The following NOX4 variants were observed in gnomAD, a reference collection of about 807,000 sequenced individuals.
NOX4 encodes NADPH oxidase 4, also known as kidney oxidase-1.
Under a neutral mutation model 87.6 loss-of-function variants are expected in NOX4, and 69 were observed. That is an observed-to-expected ratio of 0.79 (90% CI 0.65 to 0.96). The LOEUF is 0.96. Ranked by LOEUF, NOX4 falls within the 40% of genes least tolerant of loss-of-function variation. NOX4 has a pLI of 0.00. For missense variants in NOX4, 680 were observed against 681.5 expected, an observed-to-expected ratio of 1.00 and a Z score of 0.02; for synonymous variants, 275 against 238.2, an observed-to-expected ratio of 1.15 and a Z score of -1.42.
chr11:89,430,454 C>T (rs181536000), intron 7 of NOX4, among the ~76,000 whole-genome samples: 193 of 152,212 alleles, frequency 1.3e-3, no homozygotes, highest in Non-Finnish European at 2.3e-3. Context: ...TTTAGAAAAC[C>T]CTATCATCTC....
At chr11:89,525,841 T>G in the NOX4 span, among the ~76,000 whole-genome samples, 34 of 152,264 alleles carry the variant, frequency 2.2e-4, no homozygotes, top group East Asian at 4.2e-3. Context: ...ATTCTATGTT[T>G]AGATTTTATA....
chr11:89,515,995 T>C, the NOX4 span, among the ~76,000 whole-genome samples: 133 of 152,220 alleles, frequency 8.7e-4, 1 homozygote, highest in African/African-American at 3.1e-3. Flanking sequence ...CCTAACAATT[T>C]GCATTGGCTT....
intron 2 of NOX4, among the ~76,000 whole-genome samples, chr11:89,485,645 C>T (rs1232528491): frequency 6.6e-6 from 1 of 152,064 alleles, no homozygotes; most frequent in African/African-American, 2.4e-5. Flanking sequence ...CAACCTGTTA[C>T]TAATTTCTAT....
At chr11:89,436,302 T>C (rs1429429612) in intron 6 of NOX4, among the ~76,000 whole-genome samples, 1 of 152,124 alleles carries the variant, frequency 6.6e-6, no homozygotes, top group Non-Finnish European at 1.5e-5. Context: ...AAGCTAGCCT[T>C]GGTTGACAGC....
the NOX4 span, among the ~76,000 whole-genome samples, chr11:89,512,387 C>T: frequency 0.16 from 24,077 of 151,958 alleles, 2,501 homozygotes; most frequent in Admixed American, 0.26. Context: ...GCTTATATTG[C>T]ACAACTGAAA....
chr11:89,443,401 A>AGGGGGG (rs1024457788), intron 5 of NOX4: 2 of 150,044 alleles, frequency 1.3e-5, no homozygotes, highest in African/African-American at 4.9e-5. Flanking sequence ...CAGGAAAATA[A>AGGGGGG]GGGGGGGGGA....
intron 13 of NOX4, among the ~76,000 whole-genome samples, chr11:89,353,815 G>T (rs1444905702): frequency 6.6e-6 from 1 of 152,126 alleles, no homozygotes; most frequent in Admixed American, 6.6e-5. Flanking sequence ...ACAAATAGGC[G>T]TGCACCAATC....
the NOX4 span, among the ~76,000 whole-genome samples, chr11:89,557,808 ACT>A: frequency 6.6e-6 from 1 of 152,010 alleles, no homozygotes; most frequent in African/African-American, 2.4e-5. Flanking sequence ...AGGGTAAATG[ACT>A]CTCTGTTATC....
rs375263301 is a variant in NOX4, at chr11:89,358,956, G to A, written c.1136-3913C>T. Among the ~76,000 whole-genome samples the A allele has an allele frequency of 4.0e-5, 6 of 151,540 alleles. No individual in the cohort carries two copies. In the East Asian group the frequency reaches 1.2e-3, roughly 29 times the overall value. On this transcript the variant is annotated intron_variant, in intron 12 of 17. Coordinates refer to ENST00000263317, the MANE Select transcript of NOX4 (RefSeq NM_016931.5). ...TGGAAAAAAAAAAACAGGATTTTCT[G>A]CGAAGTGATACCGTGATGAGCTGAC... is the stretch of plus-strand genomic sequence containing the variant.
chr11:89,450,673 T>A (rs1246606192), intron 3 of NOX4, among the ~76,000 whole-genome samples: 1 of 151,724 alleles, frequency 6.6e-6, no homozygotes, highest in East Asian at 2.0e-4. Flanking sequence ...CTGCACCCGT[T>A]AACTCGTCAT....
intron 4 of NOX4, among the ~76,000 whole-genome samples, chr11:89,449,236 C>T (rs1048512491): frequency 2.8e-4 from 43 of 152,102 alleles, no homozygotes; most frequent in African/African-American, 9.9e-4. Flanking sequence ...AAAACACAAA[C>T]CACACGACAA....
chr11:89,386,402 C>T (rs1365930048), intron 11 of NOX4, among the ~76,000 whole-genome samples: 3 of 152,160 alleles, frequency 2.0e-5, no homozygotes, highest in African/African-American at 7.2e-5. Context: ...CTCAAACTGC[C>T]ACCCTTAATT....
chr11:89,510,002 C>A, the NOX4 span, among the ~76,000 whole-genome samples: 1 of 152,024 alleles, frequency 6.6e-6, no homozygotes, highest in Non-Finnish European at 1.5e-5. Flanking sequence ...TAATTTGAAC[C>A]TACGGAGTGG....
upstream of NOX4, chr11:89,491,395 G>T: frequency 1.4e-6 from 1 of 695,610 alleles, no homozygotes; most frequent in Non-Finnish European, 2.3e-6. Context: ...AAGGCCCGGC[G>T]CCGAGCCAGC....
chr11:89,498,975 T>C (rs1009912001), upstream of NOX4: 1 of 152,836 alleles, frequency 6.5e-6, no homozygotes, highest in Non-Finnish European at 1.5e-5. Context: ...TAATATCTAA[T>C]TTCATGAAGC....
chr11:89,541,926 C>T, the NOX4 span, among the ~76,000 whole-genome samples: 34 of 152,258 alleles, frequency 2.2e-4, no homozygotes, highest in African/African-American at 8.2e-4. Context: ...CCACCTCAGC[C>T]TCCCAAGTAG....
chr11:89,449,447 A>G lies in NOX4; in HGVS notation c.342T>C (p.Ile114=). The change falls in exon 4 of 18, where the codon ATT becomes ATC. Residue 114 remains isoleucine (I), a synonymous_variant. Coordinates refer to ENST00000263317, the MANE Select transcript of NOX4 (RefSeq NM_016931.5). ...ATCTTGTGGCTTTCTCACCTGAGAA[A>G]ATACAGATAGTAACACCACAGGTAA... The part of the protein sequence containing the change: ...FHITCGVTIC[I]FSGVHVAAHL... 1 of 1,603,486 alleles carries G rather than the reference A, an allele frequency of 6.2e-7. No individual in the cohort carries two copies. Among genetic ancestry groups the G allele is most frequent in the Non-Finnish European group, 8.5e-7 (1 of 1,173,866 alleles).
upstream of NOX4, among the ~76,000 whole-genome samples, chr11:89,496,676 A>G (rs1946956325): frequency 6.6e-6 from 1 of 152,176 alleles, no homozygotes. Context: ...TGAAAACAAC[A>G]GTCACAGAAA....
At chr11:89,341,934 C>T (rs138454523) in intron 14 of NOX4, 140 bp downstream of exon 14, 28,151 of 702,086 alleles carry the variant, frequency 0.04, 836 homozygotes, top group East Asian at 0.12. Flanking sequence ...TGAATTATTC[C>T]CCTCACCAAT....
Sources: allele counts gnomAD v4.1 joint callset (sites outside exome capture counted in the v4.1 genomes callset), GRCh38; gene constraint gnomAD v4.1.1; transcripts MANE v1.5; gene names NCBI Gene and HGNC (gene_info 2026-07-23, HGNC 2026-07-21).